Variants in PTPRD observed in about 807,000 individuals in gnomAD.
The protein encoded by PTPRD is protein tyrosine phosphatase receptor type D.
PTPRD carries 34 observed loss-of-function variants against 214.5 expected under a neutral mutation model. The observed-to-expected ratio is 0.16, with a 90% CI of 0.12 to 0.21. The LOEUF is 0.21. PTPRD is among the 10% of genes least tolerant of loss of function. PTPRD has a pLI of 1.00. For synonymous variants in PTPRD, 1,128 were observed against 845.7 expected, an observed-to-expected ratio of 1.33 and a Z score of -5.79; for missense variants, 2,545 against 2,398.7, an observed-to-expected ratio of 1.06 and a Z score of -1.27.
At chr9:9,155,834 T>G (rs2099880718) in intron 10 of PTPRD, among the ~76,000 whole-genome samples, 1 of 152,134 alleles carries the variant, frequency 6.6e-6, no homozygotes, top group South Asian at 2.1e-4. Flanking sequence ...TAATTTGAAC[T>G]GATGGGTTCA....
chr9:8,721,148 G>A (rs1442298161), intron 12 of PTPRD, among the ~76,000 whole-genome samples: 1 of 151,664 alleles, frequency 6.6e-6, no homozygotes, highest in Non-Finnish European at 1.5e-5. Flanking sequence ...GTTTAAACTG[G>A]CTGGGCGTAG....
chr9:9,315,348 T>C (rs754805232), intron 9 of PTPRD, among the ~76,000 whole-genome samples: 7 of 152,032 alleles, frequency 4.6e-5, no homozygotes, highest in Middle Eastern at 3.2e-3. Flanking sequence ...TGTGTATGTA[T>C]ATACAACTTA....
At chr9:10,449,520 C>A (rs188763825) in intron 2 of PTPRD, among the ~76,000 whole-genome samples, 2 of 145,410 alleles carry the variant, frequency 1.4e-5, no homozygotes, top group Admixed American at 6.8e-5. Context: ...ATGTGAGGAG[C>A]CCCTCTGCCC....
At chr9:8,336,870 G>C (rs1472374878) in intron 43 of PTPRD, among the ~76,000 whole-genome samples, 1 of 152,168 alleles carries the variant, frequency 6.6e-6, no homozygotes, top group East Asian at 1.9e-4. Context: ...CTGGTCATTA[G>C]AGAAATGCAA....
intron 10 of PTPRD, among the ~76,000 whole-genome samples, chr9:9,140,234 T>A (rs928245027): frequency 6.6e-6 from 1 of 151,824 alleles, no homozygotes; most frequent in Non-Finnish European, 1.5e-5. Flanking sequence ...GAAAAAGCCC[T>A]GTTTGGCTGT....
intron 9 of PTPRD, among the ~76,000 whole-genome samples, chr9:9,300,036 A>G (rs1595418275): frequency 6.7e-6 from 1 of 149,772 alleles, no homozygotes; most frequent in African/African-American, 2.5e-5. Flanking sequence ...TAAATTTACT[A>G]CTTTATGAAT....
At chr9:10,351,095 A>G (rs1025209771) in intron 2 of PTPRD, among the ~76,000 whole-genome samples, 4 of 152,152 alleles carry the variant, frequency 2.6e-5, no homozygotes, top group Non-Finnish European at 5.9e-5. Flanking sequence ...GTCATGATAC[A>G]TAAAGTCACT....
chr9:10,576,635 G>A (rs1344162917), intron 2 of PTPRD, among the ~76,000 whole-genome samples: 1 of 151,268 alleles, frequency 6.6e-6, no homozygotes, highest in Non-Finnish European at 1.5e-5. Context: ...CATCACTGAA[G>A]CTTCAGCAAA....
intron 11 of PTPRD, among the ~76,000 whole-genome samples, chr9:8,776,395 C>G (rs751403433): frequency 6.6e-6 from 1 of 152,102 alleles, no homozygotes; most frequent in Non-Finnish European, 1.5e-5. Context: ...ATTGATCTTC[C>G]AGGGTCAGGT....
chr9:8,676,960 C>T (rs1296406773), intron 12 of PTPRD, among the ~76,000 whole-genome samples: 1 of 152,000 alleles, frequency 6.6e-6, no homozygotes, highest in Non-Finnish European at 1.5e-5. Flanking sequence ...AAAAAGAATG[C>T]CTGAATGAAA....
chr9:8,504,647 T>C (rs2097500193), intron 22 of PTPRD, among the ~76,000 whole-genome samples: 1 of 152,218 alleles, frequency 6.6e-6, no homozygotes, highest in South Asian at 2.1e-4. Context: ...CTTTTTAATG[T>C]TGACACAGTC....
At chr9:9,056,044 G>A (rs1303999751) in intron 10 of PTPRD, among the ~76,000 whole-genome samples, 1 of 151,902 alleles carries the variant, frequency 6.6e-6, no homozygotes, top group Admixed American at 6.6e-5. Flanking sequence ...GAGTAGTTCT[G>A]GACTTGCCAC....
chr9:8,858,539 C>CT (rs968590407), intron 11 of PTPRD, among the ~76,000 whole-genome samples: 4 of 152,116 alleles, frequency 2.6e-5, no homozygotes, highest in African/African-American at 9.7e-5. Flanking sequence ...AGGCTTCTCT[C>CT]TTTGTTTCCT....
At chr9:10,201,755 G>T (rs2099425192) in intron 3 of PTPRD, among the ~76,000 whole-genome samples, 1 of 151,996 alleles carries the variant, frequency 6.6e-6, no homozygotes, top group Non-Finnish European at 1.5e-5. Flanking sequence ...GCATCACATT[G>T]TATCCCATGA....
chr9:9,472,902 T>A (rs1044237994), intron 8 of PTPRD, among the ~76,000 whole-genome samples: 3 of 152,226 alleles, frequency 2.0e-5, no homozygotes, highest in Non-Finnish European at 4.4e-5. Context: ...ATTACATGTA[T>A]ACAAGGTGTA....
At chr9:8,843,120 A>G (rs971520256) in intron 11 of PTPRD, among the ~76,000 whole-genome samples, 1 of 152,210 alleles carries the variant, frequency 6.6e-6, no homozygotes, top group African/African-American at 2.4e-5. Context: ...ATGGCTGAAG[A>G]CAAAAATCAC....
intron 2 of PTPRD, among the ~76,000 whole-genome samples, chr9:10,565,322 T>C (rs2131683350): frequency 6.6e-6 from 1 of 152,256 alleles, no homozygotes; most frequent in Non-Finnish European, 1.5e-5. Context: ...TTTAATGCTC[T>C]TTTTCTACTG....
intron 2 of PTPRD, among the ~76,000 whole-genome samples, chr9:10,505,204 T>C (rs929054009): frequency 6.6e-6 from 1 of 152,206 alleles, no homozygotes; most frequent in Non-Finnish European, 1.5e-5. Context: ...GGTAGTCTAA[T>C]TCAAATTCAT....
intron 8 of PTPRD, among the ~76,000 whole-genome samples, chr9:9,514,640 T>C (rs536203839): frequency 3.3e-5 from 5 of 152,214 alleles, no homozygotes; most frequent in East Asian, 3.9e-4. Flanking sequence ...TTAAGGAGAA[T>C]TGAGATATAA....
Sources: gnomAD v4.1 joint callset for allele counts (sites outside exome capture counted in the v4.1 genomes callset) on GRCh38, gnomAD v4.1.1 for gene constraint, MANE v1.5 for transcripts, NCBI Gene and HGNC (gene_info 2026-07-23, HGNC 2026-07-21) for gene names.